The following DTX4 variants were observed in gnomAD, a reference collection of about 807,000 sequenced individuals.
DTX4 encodes E3 ubiquitin-protein ligase DTX4.
DTX4 carries 28 observed loss-of-function variants against 57.6 expected under a neutral mutation model. The ratio of observed to expected loss-of-function variants is 0.49; its 90% CI spans 0.36 to 0.67. The LOEUF (loss-of-function observed/expected upper bound fraction) is 0.67, where lower values mean the gene tolerates loss of function less well. Ranked by LOEUF, DTX4 falls within the 30% of genes least tolerant of loss-of-function variation. The pLI, the probability that DTX4 is intolerant of heterozygous loss-of-function variation, is 0.00. For missense variants in DTX4, 715 were observed against 836.8 expected, an observed-to-expected ratio of 0.85 and a Z score of 1.80; for synonymous variants, 316 against 331.0, an observed-to-expected ratio of 0.95 and a Z score of 0.49.
At chr11:59,202,978 T>C (rs1411216298) in intron 8 of DTX4, among the ~76,000 whole-genome samples, 2 of 152,220 alleles carry the variant, frequency 1.3e-5, no homozygotes, top group Admixed American at 1.3e-4. Flanking sequence ...TGTATAATGG[T>C]AAGTATTTGT....
At chr11:59,193,885 C>T (rs1862630271) in intron 6 of DTX4, among the ~76,000 whole-genome samples, 1 of 152,190 alleles carries the variant, frequency 6.6e-6, no homozygotes, top group Admixed American at 6.5e-5. Flanking sequence ...TCCCTGTCTT[C>T]CCGAGGAGTT....
At chr11:59,175,193 T>C (rs534092622) in intron 1 of DTX4, among the ~76,000 whole-genome samples, 2 of 152,282 alleles carry the variant, frequency 1.3e-5, no homozygotes, top group Admixed American at 6.5e-5. Context: ...TTTAATTAAA[T>C]TACCCACCAT....
At position 59,181,721 on chromosome 11, in the gene DTX4, C is replaced by T. The variant is rs1233981653; in HGVS notation, c.212-18C>T. 6.3e-7 allele frequency: 1 copy of T among 1,579,016 alleles called. No homozygotes were observed. The highest frequency in any genetic ancestry group is 1.2e-5 in the South Asian group (1 of 85,556). The stretch of plus-strand genomic sequence containing the variant: ...ATTGCATGCTGACTCTGACCTCTCC[C>T]CTATCCCACCCTGGCAGGAACTCTC... On this transcript the variant is annotated intron_variant, in intron 1 of 8. Transcript: ENST00000227451.
rs1862338032 is a variant in DTX4 at position 59,172,456 on chromosome 11, C to T, written c.-140C>T. 1 of 289,076 alleles carries T rather than the reference C, an allele frequency of 3.5e-6. No homozygotes were observed. Among genetic ancestry groups the T allele is most frequent in the African/African-American group, 2.3e-5 (1 of 44,084 alleles). The allele number at this position is 289,076 out of a possible 1,614,324, so 17.9% of individuals were successfully genotyped here. A position where few individuals can be genotyped will look rare whatever the true frequency, so the allele number is the denominator to read the frequency against. ...CTGGGGAGGAGCCCATGGGCCGGAGCTGAGGCTGCCCGGGGCGGCGGGGCG... is the reference window on the plus strand; with the variant it reads ...CTGGGGAGGAGCCCATGGGCCGGAGTTGAGGCTGCCCGGGGCGGCGGGGCG... On this transcript the variant is annotated 5_prime_UTR_variant, in exon 1 of 9. Coordinates refer to ENST00000227451, the MANE Select transcript of DTX4 (RefSeq NM_015177.2).
chr11:59,172,330 G>C lies in DTX4; in HGVS notation c.-266G>C, dbSNP rs1206695282. ...GCCGGGCATTTGCATGAAGCGACTC[G>C]ACCCCACAGAGCAGCGGCAGCAGCA... is the stretch of plus-strand genomic sequence containing the variant. On this transcript the variant is annotated 5_prime_UTR_variant, in exon 1 of 9. Coordinates refer to ENST00000227451, the MANE Select transcript of DTX4 (RefSeq NM_015177.2). Among the ~76,000 whole-genome samples the C allele has an allele frequency of 6.6e-6, 1 of 151,786 alleles. No individual in the cohort carries two copies. Among genetic ancestry groups the C allele is most frequent in the African/African-American group, 2.4e-5 (1 of 41,398 alleles).
intron 1 of DTX4, among the ~76,000 whole-genome samples, chr11:59,179,017 G>T (rs1424004285): frequency 5.9e-5 from 9 of 151,278 alleles, no homozygotes; most frequent in Admixed American, 5.9e-4. Flanking sequence ...CAACTCTCAG[G>T]CATCTCCAGG....
At position 59,194,590 on chromosome 11, in the gene DTX4, C is replaced by T. The variant is rs185653396; in HGVS notation, c.1375-618C>T. 3.3e-5 allele frequency among the ~76,000 whole-genome samples: 5 copies of T among 152,294 alleles called. No individual in the cohort carries two copies. The East Asian group carries it at 9.6e-4, about 29-fold the overall frequency. On this transcript the variant is annotated intron_variant, in intron 6 of 8. Coordinates refer to ENST00000227451, the MANE Select transcript of DTX4 (RefSeq NM_015177.2). ...TTATCTCATTTAATTCTCCCAACAA[C>T]CCGATGAGACAGATATTTTTTATCC...
At chr11:59,191,597 G>A (rs368165203) in intron 5 of DTX4, among the ~76,000 whole-genome samples, 103 of 152,334 alleles carry the variant, frequency 6.8e-4, no homozygotes, top group African/African-American at 2.3e-3. Context: ...AGAGGCCAGG[G>A]ATGGTGCTAA....
At chr11:59,200,837 T>C (rs1182267330) in intron 8 of DTX4, among the ~76,000 whole-genome samples, 1 of 152,180 alleles carries the variant, frequency 6.6e-6, no homozygotes, top group Non-Finnish European at 1.5e-5. Context: ...TTGGGGGGAA[T>C]ATTAGACAAG....
chr11:59,182,438 A>G lies in DTX4; in HGVS notation c.911A>G (p.Gln304Arg). ...AACCTGCAGCGACTGGCCATTGCCC[A>G]GTCCCGGGTGCTGATCGCCTCTGGG... ...RTNLQRLAIA[Q>R]SRVLIASGVP... is the part of the protein sequence containing the mutation. Residue 304 changes from glutamine (Q) to arginine (R), a missense_variant, in exon 2 of 9, where the codon CAG becomes CGG. Physicochemically the swap from Gln to Arg is conservative, Grantham distance 43. Coordinates refer to ENST00000227451, the MANE Select transcript of DTX4 (RefSeq NM_015177.2). The G allele has an allele frequency of 6.2e-7, 1 of 1,610,388 alleles. No homozygotes were observed. Among genetic ancestry groups the G allele is most frequent in the Non-Finnish European group, 8.5e-7 (1 of 1,178,158 alleles).
chr11:59,194,545 T>C (rs116922396), intron 6 of DTX4, among the ~76,000 whole-genome samples: 1,665 of 152,338 alleles, frequency 0.011, 19 homozygotes, highest in Middle Eastern at 0.017. Flanking sequence ...ATACACCACA[T>C]GCTAAGATCT....
intron 2 of DTX4, among the ~76,000 whole-genome samples, chr11:59,185,533 T>A (rs559744449): frequency 6.6e-6 from 1 of 152,256 alleles, no homozygotes; most frequent in East Asian, 1.9e-4. Flanking sequence ...GGATGTGAGA[T>A]GCATGCCTGC....
At chr11:59,197,236 C>T (rs1193537173) in intron 7 of DTX4, among the ~76,000 whole-genome samples, 1 of 152,150 alleles carries the variant, frequency 6.6e-6, no homozygotes, top group Non-Finnish European at 1.5e-5. Context: ...ATCTGTCTGT[C>T]TGTCTGGAAG....
rs374779446 is a variant in DTX4, at chr11:59,195,261, C to A, written c.1428C>A (p.Gly476=). Residue 476 remains glycine, a synonymous_variant, in exon 7 of 9, where the codon GGC becomes GGA. Coordinates refer to ENST00000227451, the MANE Select transcript of DTX4 (RefSeq NM_015177.2). ...AGACCATTTATGGGGTGAAGACAGG[C>A]ACCCAACCTCCAGGGAAGATGGAGT... ...TCKTIYGVKT[G]TQPPGKMEYH... 3 of 1,613,970 alleles carry A rather than the reference C, an allele frequency of 1.9e-6. No homozygotes were observed. In the Admixed American group the frequency reaches 5.0e-5, roughly 27 times the overall value.
chr11:59,172,349 A>G lies in DTX4; in HGVS notation c.-247A>G, dbSNP rs1443693074. 1 of 161,242 alleles carries G rather than the reference A, an allele frequency of 6.2e-6. No individual in the cohort carries two copies. Among genetic ancestry groups the G allele is most frequent in the Non-Finnish European group, 1.3e-5 (1 of 74,512 alleles). 10.0% of individuals were successfully genotyped at this position (161,242 alleles called of 1,614,324 possible). ...CGACTCGACCCCACAGAGCAGCGGCAGCAGCAGCGGACCCCGGCGGCGGCG... is the reference window on the plus strand; with the variant it reads ...CGACTCGACCCCACAGAGCAGCGGCGGCAGCAGCGGACCCCGGCGGCGGCG... On this transcript the variant is annotated 5_prime_UTR_variant, in exon 1 of 9. Transcript: ENST00000227451.
intron 7 of DTX4, among the ~76,000 whole-genome samples, chr11:59,196,144 T>C (rs1862665455): frequency 6.6e-6 from 1 of 152,258 alleles, no homozygotes; most frequent in African/African-American, 2.4e-5. Context: ...TCCCTCCTAG[T>C]TTTCTTCTTC....
chr11:59,204,839 T>C lies in DTX4; in HGVS notation c.1790T>C (p.Leu597Pro). ...TGHGYPDANYLDNVLAELAAQ... is the reference protein window; with the variant it reads ...TGHGYPDANYPDNVLAELAAQ... ...CATGGCTACCCAGATGCCAATTACC[T>C]GGATAATGTGCTGGCTGAACTGGCT... The change falls in exon 9 of 9, where the codon CTG (leucine) becomes CCG (proline). Residue 597 changes from leucine to proline, a missense_variant. Leu to Pro is a moderately conservative substitution (Grantham distance 98, BLOSUM62 -3). Transcript: ENST00000227451. 2 of 1,609,180 alleles carry C rather than the reference T, an allele frequency of 1.2e-6. No homozygotes were observed. The highest frequency in any genetic ancestry group is 1.7e-6 in the Non-Finnish European group (2 of 1,177,624).
At chr11:59,193,230 A>G (rs1862621906) in intron 6 of DTX4, among the ~76,000 whole-genome samples, 1 of 152,162 alleles carries the variant, frequency 6.6e-6, no homozygotes, top group Admixed American at 6.5e-5. Context: ...AAGGTTTTCC[A>G]ATCTCTGAGA....
Position 59,172,556 on chromosome 11 carries a change from C to A in DTX4, c.-40C>A. On this transcript the variant is annotated 5_prime_UTR_variant, in exon 1 of 9. Coordinates refer to ENST00000227451, the MANE Select transcript of DTX4 (RefSeq NM_015177.2). ...CGGAGGAGGTCGGGCGCTCGGGGCC[C>A]GGGAGGCGGGCCGCGCAGCGCCGCA... 1 of 1,297,324 alleles carries A rather than the reference C, an allele frequency of 7.7e-7. No homozygotes were observed. The highest frequency in any genetic ancestry group is 9.8e-7 in the Non-Finnish European group (1 of 1,019,258). The allele number at this position is 1,297,324 out of a possible 1,614,324, so 80.4% of individuals were successfully genotyped here. A position where few individuals can be genotyped will look rare whatever the true frequency, so the allele number is the denominator to read the frequency against.
Sources: gnomAD v4.1 joint callset for allele counts (sites outside exome capture counted in the v4.1 genomes callset) on GRCh38, gnomAD v4.1.1 for gene constraint, MANE v1.5 for transcripts, NCBI Gene and HGNC (gene_info 2026-07-23, HGNC 2026-07-21) for gene names.